Variants in SKA1 observed in about 807,000 individuals in gnomAD.
SKA1 encodes the protein spindle and kinetochore associated complex subunit 1.
A neutral mutation model predicts 31.8 loss-of-function variants in SKA1; 20 were observed. The ratio of observed to expected loss-of-function variants is 0.63; its 90% confidence interval spans 0.44 to 0.91. The LOEUF (loss-of-function observed/expected upper bound fraction) is 0.91. Among genes scored for constraint, SKA1 ranks in the 40% least tolerant of loss-of-function variants. The pLI, the probability that SKA1 is intolerant of heterozygous loss-of-function variation, is 0.00. For synonymous variants in SKA1, 88 were observed against 100.5 expected, an observed-to-expected ratio of 0.88 and a Z score of 0.74; for missense variants, 253 against 298.2, an observed-to-expected ratio of 0.85 and a Z score of 1.12.
chr18:50,381,467 A>T (rs183535660), intron 3 of SKA1, among the ~76,000 whole-genome samples: 2 of 152,328 alleles, frequency 1.3e-5, no homozygotes, highest in African/African-American at 4.8e-5. Context: ...AAGCCAACAA[A>T]CGCAATTTAT....
chr18:50,381,044 C>CT (rs2149319976), intron 3 of SKA1, among the ~76,000 whole-genome samples: 1 of 152,328 alleles, frequency 6.6e-6, no homozygotes, highest in East Asian at 1.9e-4. Flanking sequence ...TCATTCACCT[C>CT]TTCAAGGAAA....
chr18:50,385,258 T>TG lies in SKA1; in HGVS notation c.355dup (p.Glu119GlyfsTer4). ...TTGATCCTGAAGAACCAATCAAAGT[T>TG]GAAGAACCTGAACCCGTAAAGAAGC... On this transcript the variant is annotated frameshift_variant, in exon 5 of 7. Transcript: ENST00000285116. LOFTEE classifies it high-confidence loss of function. The TG allele has an allele frequency of 6.2e-7, 1 of 1,613,592 alleles. No individual in the cohort carries two copies. Among genetic ancestry groups the TG allele is most frequent in the Non-Finnish European group, 8.5e-7 (1 of 1,179,736 alleles).
At chr18:50,389,858 A>C (rs182079318) in intron 5 of SKA1, among the ~76,000 whole-genome samples, 2 of 152,246 alleles carry the variant, frequency 1.3e-5, no homozygotes. Context: ...AAATGCTTCC[A>C]TAAAGAGCTA....
chr18:50,391,394 T>G, intron 6 of SKA1, 101 bp downstream of exon 6: 4 of 1,170,030 alleles, frequency 3.4e-6, no homozygotes, highest in Non-Finnish European at 4.6e-6. Context: ...TCTAGAGTGT[T>G]AATTCCCAAC....
intron 2 of SKA1, among the ~76,000 whole-genome samples, chr18:50,377,293 C>T (rs1048311209): frequency 5.3e-5 from 8 of 152,032 alleles, no homozygotes; most frequent in East Asian, 1.9e-4. Context: ...GTTTCAGCTC[C>T]GTTATAATCT....
At chr18:50,376,530 G>A (rs943688792) in intron 2 of SKA1, among the ~76,000 whole-genome samples, 1 of 137,788 alleles carries the variant, frequency 7.3e-6, no homozygotes, top group African/African-American at 2.8e-5. Context: ...GATGGAGCTT[G>A]CAGAACTGGA....
Position 50,385,436 on chromosome 18 carries a change from G to A in SKA1, c.449+83G>A, listed in dbSNP as rs1002713457. On this transcript the variant is annotated intron_variant, in intron 5 of 6. Coordinates refer to ENST00000285116, the MANE Select transcript of SKA1 (RefSeq NM_145060.4). Reference sequence around the variant, plus strand: ...ATAATAAAGCTTAATTATATTAATTGTAATATGCTATGTTCAAATATTGAT... The same window carrying A: ...ATAATAAAGCTTAATTATATTAATTATAATATGCTATGTTCAAATATTGAT... The A allele has an allele frequency of 2.8e-5, 32 of 1,151,498 alleles. No homozygotes were observed. The African/African-American group carries it at 4.4e-4, about 16-fold the overall frequency. 71.3% of individuals were successfully genotyped at this position (1,151,498 alleles called of 1,614,324 possible).
intron 5 of SKA1, among the ~76,000 whole-genome samples, chr18:50,388,541 G>T (rs2041329744): frequency 6.6e-6 from 1 of 151,890 alleles, no homozygotes; most frequent in African/African-American, 2.4e-5. Context: ...TTGGAGAGGA[G>T]AAGCATTCTA....
At chr18:50,377,662 A>G (rs2041230530) in intron 2 of SKA1, among the ~76,000 whole-genome samples, 1 of 152,188 alleles carries the variant, frequency 6.6e-6, no homozygotes, top group South Asian at 2.1e-4. Context: ...TGGGAGGGTA[A>G]CGGTTTATTG....
chr18:50,379,370 G>A (rs1242770151), intron 2 of SKA1, among the ~76,000 whole-genome samples: 1 of 152,006 alleles, frequency 6.6e-6, no homozygotes, highest in Non-Finnish European at 1.5e-5. Flanking sequence ...TACTTTGTCT[G>A]CTTAGGGGTG....
chr18:50,389,827 G>C (rs1361399002), intron 5 of SKA1, among the ~76,000 whole-genome samples: 2 of 152,338 alleles, frequency 1.3e-5, no homozygotes, highest in Middle Eastern at 3.4e-3. Flanking sequence ...GTGAGGAACA[G>C]TGGAGTAGAG....
intron 4 of SKA1, among the ~76,000 whole-genome samples, chr18:50,382,901 G>A (rs999329748): frequency 6.6e-6 from 1 of 152,120 alleles, no homozygotes; most frequent in Non-Finnish European, 1.5e-5. Context: ...AGACACAGTG[G>A]CACACCCCTG....
At chr18:50,386,089 T>G (rs2041305187) in intron 5 of SKA1, among the ~76,000 whole-genome samples, 3 of 152,210 alleles carry the variant, frequency 2.0e-5, no homozygotes, top group Admixed American at 1.3e-4. Context: ...CAGGTATTTC[T>G]TATACCTGTT....
chr18:50,390,506 T>G (rs1281608755), intron 5 of SKA1, among the ~76,000 whole-genome samples: 2 of 151,998 alleles, frequency 1.3e-5, no homozygotes, highest in Non-Finnish European at 2.9e-5. Flanking sequence ...TGAAAGAGAG[T>G]GCTCTAAGGG....
At chr18:50,385,079 G>T in intron 4 of SKA1, 137 bp from the exon 5 acceptor site, 1 of 658,078 alleles carries the variant, frequency 1.5e-6, no homozygotes, top group Non-Finnish European at 2.5e-6. Flanking sequence ...AATAGACATA[G>T]GGATAGAAAA....
At chr18:50,388,477 A>G (rs1243971637) in intron 5 of SKA1, among the ~76,000 whole-genome samples, 1 of 152,160 alleles carries the variant, frequency 6.6e-6, no homozygotes, top group Non-Finnish European at 1.5e-5. Flanking sequence ...GTAGCTTGCT[A>G]AGTGTTAGTT....
Position 50,375,887 on chromosome 18 carries a change from T to C in SKA1, c.57T>C (p.Asn19=). The change falls in exon 2 of 7, where the codon AAT becomes AAC. Residue 19 remains asparagine (N), a synonymous_variant. Transcript: ENST00000285116. ...CTCATGTTAATGAAAAGATTGGCAA[T>C]ATTAAGAAAACCTTATCATTAAGAA... ...LCSHVNEKIG[N]IKKTLSLRNC... 1 of 1,610,132 alleles carries C rather than the reference T, an allele frequency of 6.2e-7. No individual in the cohort carries two copies. The highest frequency in any genetic ancestry group is 1.7e-5 in the Admixed American group (1 of 59,608).
chr18:50,376,872 T>C (rs2041221206), intron 2 of SKA1, among the ~76,000 whole-genome samples: 2 of 150,918 alleles, frequency 1.3e-5, no homozygotes, highest in Non-Finnish European at 2.9e-5. Flanking sequence ...ACACACACAT[T>C]AGCCTAGGCC....
chr18:50,389,142 T>A (rs1380109395), intron 5 of SKA1, among the ~76,000 whole-genome samples: 2 of 152,150 alleles, frequency 1.3e-5, no homozygotes, highest in African/African-American at 2.4e-5. Flanking sequence ...GTTTCCAAGC[T>A]CTTGACACGT....
Sources: gnomAD v4.1 joint callset for allele counts (sites outside exome capture counted in the v4.1 genomes callset) on GRCh38, gnomAD v4.1.1 for gene constraint, MANE v1.5 for transcripts, NCBI Gene and HGNC (gene_info 2026-07-23, HGNC 2026-07-21) for gene names.